The following SRP19 variants were observed in gnomAD, a reference collection of about 807,000 sequenced individuals.
SRP19 encodes the protein signal recognition particle 19 kDa protein.
Under a neutral mutation model 22.4 loss-of-function variants are expected in SRP19, and 11 were observed. The observed-to-expected ratio is 0.49, with a 90% CI of 0.31 to 0.81. The LOEUF (loss-of-function observed/expected upper bound fraction) is 0.81, where lower values mean the gene tolerates loss of function less well. Ranked by LOEUF, SRP19 falls within the 40% of genes least tolerant of loss-of-function variation. The pLI is 0.05. For synonymous variants in SRP19, 61 were observed against 57.6 expected, an observed-to-expected ratio of 1.06 and a Z score of -0.27; for missense variants, 168 against 175.9, an observed-to-expected ratio of 0.96 and a Z score of 0.25.
At chr5:112,893,020 C>A in exon 5 of SRP19, 2 of 1,523,172 alleles carry the variant, frequency 1.3e-6, no homozygotes, top group South Asian at 2.2e-5. Context: ...GTGCCGAAGT[C>A]GTGGGAGGAG....
In SRP19 at chr5:112,890,016, G is replaced by A. The variant is rs1013433057; in HGVS notation, c.302-1587G>A. Among the ~76,000 whole-genome samples, 6 of 150,204 alleles carry A rather than the reference G, an allele frequency of 4.0e-5. 1 individual carries two copies. The East Asian group carries it at 8.2e-4, about 20-fold the overall frequency. On this transcript the variant is annotated intron_variant, in intron 4 of 4. Transcript: ENST00000391338. ...TAATTTTTGTATTTTTAGTAGAGAC[G>A]GGGTTTCACCATGTTGGCCAGGCTG...
chr5:112,875,245 A>G (rs966766130), intron 4 of SRP19, among the ~76,000 whole-genome samples: 14 of 152,356 alleles, frequency 9.2e-5, no homozygotes, highest in African/African-American at 2.9e-4. Context: ...TTGATGGGTA[A>G]AGATCTGAAT....
intron 4 of SRP19, among the ~76,000 whole-genome samples, chr5:112,883,285 A>G (rs1069061): frequency 0.25 from 37,898 of 152,120 alleles, 5,658 homozygotes; most frequent in Non-Finnish European, 0.33. Context: ...GGAGTTTGAT[A>G]TCACTCCACA....
rs1767656804 is a variant in SRP19 at position 112,867,771 on chromosome 5, G to A, written c.*234G>A. The A allele has an allele frequency of 2.4e-6, 3 of 1,227,426 alleles. No homozygotes were observed. The East Asian group carries it at 9.8e-5, about 40-fold the overall frequency. 76.0% of individuals were successfully genotyped at this position (1,227,426 alleles called of 1,614,324 possible). Reference sequence around the variant, plus strand: ...TTTTTGTCTTTCAATGCAGTTTTTTGGAAGAAAATATTTTTAAATGGACAA... The same window carrying A: ...TTTTTGTCTTTCAATGCAGTTTTTTAGAAGAAAATATTTTTAAATGGACAA... On this transcript the variant is annotated 3_prime_UTR_variant, in exon 5 of 5. Coordinates refer to ENST00000505459, the MANE Select transcript of SRP19 (RefSeq NM_003135.3).
Position 112,868,228 on chromosome 5 carries a change from A to C in SRP19, c.*691A>C. On this transcript the variant is annotated 3_prime_UTR_variant, in exon 5 of 5. Coordinates refer to ENST00000505459, the MANE Select transcript of SRP19 (RefSeq NM_003135.3). ...ACTGTGCTTTAGCACCTTGAGGTAC[A>C]CTTTCCTTCAACAAATGAAATTGGA... The C allele has an allele frequency of 1.0e-6, 1 of 985,506 alleles. No individual in the cohort carries two copies. The highest frequency in any genetic ancestry group is 1.2e-6 in the Non-Finnish European group (1 of 829,986). The allele number at this position is 985,506 out of a possible 1,614,324, so 61.0% of individuals were successfully genotyped here. A position where few individuals can be genotyped will look rare whatever the true frequency, so the allele number is the denominator to read the frequency against.
chr5:112,871,091 A>C (rs1767747494), downstream of SRP19, among the ~76,000 whole-genome samples: 1 of 151,936 alleles, frequency 6.6e-6, no homozygotes, highest in Non-Finnish European at 1.5e-5. Context: ...TGACCTCATG[A>C]TACACCACGC....
exon 4 of SRP19, chr5:112,898,209 C>T (rs970267744): frequency 6.6e-6 from 1 of 152,368 alleles, no homozygotes; most frequent in African/African-American, 2.4e-5. Context: ...AGACGAGACT[C>T]TGCAATTCAG....
At chr5:112,878,612 A>T in intron 4 of SRP19, 1 of 923,566 alleles carries the variant, frequency 1.1e-6, no homozygotes, top group Non-Finnish European at 1.6e-6. Context: ...AGTGCTCCCT[A>T]TATATATAGA....
At chr5:112,876,684 A>G (rs1767905508) in intron 4 of SRP19, 1 of 152,228 alleles carries the variant, frequency 6.6e-6, no homozygotes, top group African/African-American at 2.4e-5. Flanking sequence ...CACAGGCTCA[A>G]TTAGTTTTTC....
At chr5:112,865,740 T>C (rs1011224108) in intron 4 of SRP19, among the ~76,000 whole-genome samples, 2 of 152,022 alleles carry the variant, frequency 1.3e-5, no homozygotes, top group African/African-American at 4.8e-5. Flanking sequence ...ACTACAGGCA[T>C]GTGCCATCAC....
downstream of SRP19, among the ~76,000 whole-genome samples, chr5:112,871,322 T>A (rs1234207576): frequency 6.6e-6 from 1 of 151,076 alleles, no homozygotes; most frequent in African/African-American, 2.4e-5. Context: ...CAAAAAATGT[T>A]TTTTTGAGAC....
chr5:112,865,888 G>C (rs558520806), intron 4 of SRP19, among the ~76,000 whole-genome samples: 1 of 151,982 alleles, frequency 6.6e-6, no homozygotes, highest in Admixed American at 6.6e-5. Flanking sequence ...CACTGCCCCC[G>C]GCCTGATTTT....
In SRP19 at chr5:112,861,417, G is replaced by T. The variant is rs772966210; in HGVS notation, c.41G>T (p.Arg14Met). 1.5e-5 allele frequency: 25 copies of T among 1,613,780 alleles called. No homozygotes were observed. Among genetic ancestry groups the T allele is most frequent in the Admixed American group, 5.0e-5 (3 of 59,996 alleles). ...GCGCGGTCCCCGGCCGACCAGGACA[G>T]GTGGGTTCTGAGGCGGTGGGTCCTC... ...AAARSPADQD[R>M]FICIYPAYLN... is the part of the protein sequence containing the mutation. The change falls in exon 1 of 5, where the codon AGG becomes ATG. Residue 14 changes from arginine to methionine, a missense_variant and splice_region_variant. Coordinates refer to ENST00000505459, the MANE Select transcript of SRP19 (RefSeq NM_003135.3).
At chr5:112,878,314 G>GTAGTC (rs2150032196) in intron 4 of SRP19, 1 of 157,110 alleles carries the variant, frequency 6.4e-6, no homozygotes, top group African/African-American at 2.4e-5. Flanking sequence ...GATGCATGTT[G>GTAGTC]TAGTCAGACA....
chr5:112,870,719 G>A (rs410701), downstream of SRP19, among the ~76,000 whole-genome samples: 66,572 of 151,994 alleles, frequency 0.44, 17,043 homozygotes, highest in East Asian at 0.66. Context: ...TATCTGAGGA[G>A]TGGGTTTGTT....
At chr5:112,888,454 G>A (rs1438865737) in intron 4 of SRP19, among the ~76,000 whole-genome samples, 3 of 152,122 alleles carry the variant, frequency 2.0e-5, no homozygotes, top group Non-Finnish European at 4.4e-5. Context: ...TGAGAGTCTT[G>A]CTCTGTCACC....
intron 4 of SRP19, chr5:112,878,670 T>C: frequency 1.4e-6 from 2 of 1,419,502 alleles, no homozygotes; most frequent in South Asian, 2.6e-5. Context: ...ATCTTTAATA[T>C]CTCAAAAATG....
rs1343157871 is a variant in SRP19, at chr5:112,869,317, C to G, written c.*1780C>G. ...GAAAAGGTAGCTGTGCCAGCCACTT[C>G]TGGCAAGCAGTTCTCCCACCTTAGC... On this transcript the variant is annotated 3_prime_UTR_variant, in exon 5 of 5. Transcript: ENST00000505459. 6.6e-6 allele frequency: 1 copy of G among 152,196 alleles called. No individual in the cohort carries two copies. The allele number at this position is 152,196 out of a possible 1,614,324, so 9.4% of individuals were successfully genotyped here. A position where few individuals can be genotyped will look rare whatever the true frequency, so the allele number is the denominator to read the frequency against.
chr5:112,887,023 G>C, intron 4 of SRP19: 1 of 1,602,530 alleles, frequency 6.2e-7, no homozygotes, highest in Non-Finnish European at 8.5e-7. Flanking sequence ...ACCTTCTTTA[G>C]TGATGGCATC....
Sources: gnomAD v4.1 joint callset for allele counts (sites outside exome capture counted in the v4.1 genomes callset) on GRCh38, gnomAD v4.1.1 for gene constraint, MANE v1.5 for transcripts, NCBI Gene and HGNC (gene_info 2026-07-23, HGNC 2026-07-21) for gene names.